Variants in MCOLN2 observed in about 807,000 individuals in gnomAD.
The protein encoded by MCOLN2 is mucolipin-2.
Under a neutral mutation model 67.5 loss-of-function variants are expected in MCOLN2, and 57 were observed. The ratio of observed to expected loss-of-function variants is 0.84; its 90% confidence interval spans 0.68 to 1.05. The LOEUF is 1.05. MCOLN2 is among the 50% of genes least tolerant of loss of function. The probability of loss-of-function intolerance (pLI) is 0.00; values close to 1 mark genes in which losing one functional copy is unlikely to be tolerated. For synonymous variants in MCOLN2, 246 were observed against 233.3 expected, an observed-to-expected ratio of 1.05 and a Z score of -0.50; for missense variants, 620 against 678.8, an observed-to-expected ratio of 0.91 and a Z score of 0.96.
chr1:84,931,964 C>T (rs1390261108), intron 11 of MCOLN2, among the ~76,000 whole-genome samples: 1 of 151,678 alleles, frequency 6.6e-6, no homozygotes, highest in African/African-American at 2.4e-5. Context: ...GTTCAGGGTA[C>T]AGTGAGCCAA....
chr1:84,978,169 T>A (rs1473223224), intron 1 of MCOLN2, among the ~76,000 whole-genome samples: 1 of 151,944 alleles, frequency 6.6e-6, no homozygotes, highest in Admixed American at 6.6e-5. Flanking sequence ...GAAAGAAATT[T>A]AAAAATTTCT....
chr1:84,956,255 A>C (rs1339389624), intron 4 of MCOLN2, among the ~76,000 whole-genome samples, 176 bp downstream of exon 4: 1 of 152,126 alleles, frequency 6.6e-6, no homozygotes, highest in Non-Finnish European at 1.5e-5. Context: ...CCATCGCCAC[A>C]ACCCCACAGT....
chr1:84,982,462 A>G (rs1650305181), intron 1 of MCOLN2, among the ~76,000 whole-genome samples: 1 of 152,180 alleles, frequency 6.6e-6, no homozygotes. Flanking sequence ...TAATATCCTC[A>G]TCTATCCCAT....
At chr1:84,952,388 A>C (rs748122301) in intron 5 of MCOLN2, 49 bp from the exon 6 acceptor site, 4 of 1,567,510 alleles carry the variant, frequency 2.6e-6, no homozygotes, top group Non-Finnish European at 3.5e-6. Flanking sequence ...CTTACTATAT[A>C]CTATTCTCCT....
In MCOLN2 at chr1:84,965,479, T is replaced by C. The variant is rs562695245; in HGVS notation, c.237+70A>G. The C allele has an allele frequency of 9.8e-6, 15 of 1,525,716 alleles. No homozygotes were observed. The African/African-American group carries it at 1.9e-4, about 20-fold the overall frequency. The allele number at this position is 1,525,716 out of a possible 1,614,324, so 94.5% of individuals were successfully genotyped here. A position where few individuals can be genotyped will look rare whatever the true frequency, so the allele number is the denominator to read the frequency against. ...TGGGCTTTTCAGAACAAAAGTCAAGTACAGAACACATGAAAAGAGTTTTGT... is the reference window on the plus strand; with the variant it reads ...TGGGCTTTTCAGAACAAAAGTCAAGCACAGAACACATGAAAAGAGTTTTGT... On this transcript the variant is annotated intron_variant, in intron 2 of 13. Coordinates refer to ENST00000370608, the MANE Select transcript of MCOLN2 (RefSeq NM_153259.4).
chr1:84,927,938 C>A (rs1661237081), intron 13 of MCOLN2, among the ~76,000 whole-genome samples: 1 of 152,122 alleles, frequency 6.6e-6, no homozygotes, highest in Non-Finnish European at 1.5e-5. Context: ...AGCTTTTAAA[C>A]ACATCAAGCT....
chr1:84,954,804 A>G (rs1288876800), intron 4 of MCOLN2, among the ~76,000 whole-genome samples: 3 of 152,240 alleles, frequency 2.0e-5, no homozygotes, highest in African/African-American at 7.2e-5. Context: ...AAAGCAATGA[A>G]CAAGACAGAC....
Position 84,952,264 on chromosome 1 carries a change from G to A in MCOLN2, c.726C>T (p.Asp242=). The A allele has an allele frequency of 1.2e-6, 2 of 1,612,316 alleles. No individual in the cohort carries two copies. The highest frequency in any genetic ancestry group is 1.7e-6 in the Non-Finnish European group (2 of 1,179,000). The change falls in exon 6 of 14, where the codon GAC becomes GAT. Residue 242 remains aspartate, a synonymous_variant. Transcript: ENST00000370608. ...LQTIHSRELP[D]CYVFQNTIIF... ...TTGCCGTATTCTGAAAGACATAACA[G>A]TCTGGTAACTCACGGGAATGAATTG...
intron 11 of MCOLN2, among the ~76,000 whole-genome samples, chr1:84,935,375 T>C (rs1205528579): frequency 6.6e-5 from 10 of 152,008 alleles, no homozygotes; most frequent in African/African-American, 2.4e-4. Context: ...ACATCCCTTA[T>C]CCCTCCCCTC....
rs570477096 is a variant in MCOLN2, at chr1:84,991,357, A to G, written c.77+5439T>C. Among the ~76,000 whole-genome samples the G allele has an allele frequency of 4.9e-4, 75 of 152,302 alleles. 1 individual carries two copies. Among genetic ancestry groups the G allele is most frequent in the Admixed American group, 1.4e-3 (21 of 15,296 alleles). ...CTTTAGACCATTCCTAACAACTCGCACGTCATTTTTTCACTCCAATTCCTA... is the reference window on the plus strand; with the variant it reads ...CTTTAGACCATTCCTAACAACTCGCGCGTCATTTTTTCACTCCAATTCCTA... On this transcript the variant is annotated intron_variant, in intron 1 of 13. Transcript: ENST00000370608.
chr1:84,975,368 C>T (rs600536), intron 1 of MCOLN2, among the ~76,000 whole-genome samples: 76,815 of 151,920 alleles, frequency 0.51, 19,702 homozygotes, highest in East Asian at 0.64. Flanking sequence ...GTTAGGGAGA[C>T]AAAAAGGGTA....
Position 84,926,427 on chromosome 1 carries a change from A to T in MCOLN2, c.*258T>A, listed in dbSNP as rs988525950. The T allele has an allele frequency of 1.5e-5, 5 of 343,948 alleles. No homozygotes were observed. Among genetic ancestry groups the T allele is most frequent in the Admixed American group, 4.7e-5 (1 of 21,148 alleles). 21.3% of individuals were successfully genotyped at this position (343,948 alleles called of 1,614,324 possible). A position where few individuals can be genotyped will look rare whatever the true frequency, so the allele number is the denominator to read the frequency against. On this transcript the variant is annotated 3_prime_UTR_variant, in exon 14 of 14. Coordinates refer to ENST00000370608, the MANE Select transcript of MCOLN2 (RefSeq NM_153259.4). ...CCGAGATCATGTCATAAATTAACAG[A>T]CTAATAGAGAATTTTATTATCGCTG...
chr1:84,927,633 T>C (rs910760589), intron 13 of MCOLN2, among the ~76,000 whole-genome samples: 2 of 152,232 alleles, frequency 1.3e-5, no homozygotes, highest in African/African-American at 2.4e-5. Context: ...AGCCGTGCTC[T>C]GCAGGAAGCA....
chr1:84,935,089 A>T (rs1256825709), intron 11 of MCOLN2, among the ~76,000 whole-genome samples: 1 of 152,214 alleles, frequency 6.6e-6, no homozygotes. Flanking sequence ...GGCTTCAGGT[A>T]ACCTGAAAGT....
chr1:84,986,869 A>C (rs1162719243), intron 1 of MCOLN2, among the ~76,000 whole-genome samples: 1 of 152,134 alleles, frequency 6.6e-6, no homozygotes, highest in African/African-American at 2.4e-5. Flanking sequence ...ATAATCAAAA[A>C]ATCAAAAAAT....
At chr1:84,950,834 T>C (rs1049676508) in intron 6 of MCOLN2, among the ~76,000 whole-genome samples, 17 of 152,218 alleles carry the variant, frequency 1.1e-4, no homozygotes, top group African/African-American at 3.4e-4. Context: ...CTGTAAGTTA[T>C]GATTAAACCT....
At position 84,941,017 on chromosome 1, in the gene MCOLN2, G is replaced by A. The variant is rs781762475; in HGVS notation, c.848-26C>T. On this transcript the variant is annotated intron_variant, in intron 7 of 13. Transcript: ENST00000370608. Reference sequence around the variant, plus strand: ...CTGAGGAATAAAACAGAATTCAAATGTTAAACACACCTTACCGGAGAATAA... The same window carrying A: ...CTGAGGAATAAAACAGAATTCAAATATTAAACACACCTTACCGGAGAATAA... 12 of 1,418,818 alleles carry A rather than the reference G, an allele frequency of 8.5e-6. No homozygotes were observed. In the African/African-American group the frequency reaches 1.3e-4, roughly 15 times the overall value. The allele number at this position is 1,418,818 out of a possible 1,614,324, so 87.9% of individuals were successfully genotyped here.
chr1:84,931,052 G>C (rs902639972), intron 12 of MCOLN2, among the ~76,000 whole-genome samples: 1 of 152,110 alleles, frequency 6.6e-6, no homozygotes, highest in African/African-American at 2.4e-5. Flanking sequence ...TCAATCCTAA[G>C]TTCCAGGCAG....
chr1:84,992,974 C>T lies in MCOLN2; in HGVS notation c.77+3822G>A, dbSNP rs1384236503. ...ATATATCAATTAACTCTTCCTGTCA[C>T]AAAATATTTCTCTGTTGCATGCAAC... is the stretch of plus-strand genomic sequence containing the variant. On this transcript the variant is annotated intron_variant, in intron 1 of 13. Transcript: ENST00000370608. 2.0e-5 allele frequency among the ~76,000 whole-genome samples: 3 copies of T among 152,216 alleles called. No homozygotes were observed. The East Asian group carries it at 5.8e-4, about 29-fold the overall frequency.
Sources: gnomAD v4.1 joint callset for allele counts (sites outside exome capture counted in the v4.1 genomes callset) on GRCh38, gnomAD v4.1.1 for gene constraint, MANE v1.5 for transcripts, NCBI Gene and HGNC (gene_info 2026-07-23, HGNC 2026-07-21) for gene names.